MARCHF1: variants seen among roughly 807,000 people sequenced by gnomAD.
MARCHF1 encodes E3 ubiquitin-protein ligase MARCHF1.
In MARCHF1, 40 loss-of-function variants were observed where a neutral mutation model predicts 54.2. That is an observed-to-expected ratio of 0.74 (90% CI 0.57 to 0.96). The LOEUF is 0.96. MARCHF1 is among the 40% of genes least tolerant of loss of function. The pLI, the probability that MARCHF1 is intolerant of heterozygous loss-of-function variation, is 0.00. For synonymous variants in MARCHF1, 236 were observed against 236.3 expected, an observed-to-expected ratio of 1.00 and a Z score of 0.01; for missense variants, 586 against 656.5, an observed-to-expected ratio of 0.89 and a Z score of 1.17.
intron 4 of MARCHF1, among the ~76,000 whole-genome samples, chr4:163,834,227 T>C (rs1749112273): frequency 1.3e-5 from 2 of 152,018 alleles, no homozygotes; most frequent in African/African-American, 4.8e-5. Context: ...TACTTTGAAG[T>C]TGTAACTTTA....
In MARCHF1 at chr4:163,986,072, G is replaced by A. The variant is rs1398307933; in HGVS notation, c.-39+2429C>T. ...AAGTTATTCGGCGGCCTACAAGATTGACTAATATGTTTTAAACATACTTTT... is the reference window on the plus strand; with the variant it reads ...AAGTTATTCGGCGGCCTACAAGATTAACTAATATGTTTTAAACATACTTTT... On this transcript the variant is annotated intron_variant, in intron 3 of 9. Coordinates refer to ENST00000514618, the MANE Select transcript of MARCHF1 (RefSeq NM_001394959.1). 4.0e-5 allele frequency among the ~76,000 whole-genome samples: 6 copies of A among 151,706 alleles called. No individual in the cohort carries two copies. In the East Asian group the frequency reaches 1.2e-3, roughly 29 times the overall value.
intron 2 of MARCHF1, among the ~76,000 whole-genome samples, chr4:164,107,508 A>T (rs1755732846): frequency 6.6e-6 from 1 of 152,030 alleles, no homozygotes; most frequent in South Asian, 2.1e-4. Context: ...AACTACAGGC[A>T]AGTACCACCA....
intron 1 of MARCHF1, among the ~76,000 whole-genome samples, chr4:164,216,579 A>G (rs1402158567): frequency 6.6e-6 from 1 of 152,208 alleles, no homozygotes. Flanking sequence ...AGTTTAGTTA[A>G]TTTTTCTATT....
At chr4:164,283,629 A>G (rs1212522481) in intron 1 of MARCHF1, among the ~76,000 whole-genome samples, 1 of 151,002 alleles carries the variant, frequency 6.6e-6, no homozygotes. Flanking sequence ...AACTCATCAG[A>G]ATGCGTGTAC....
intron 1 of MARCHF1, among the ~76,000 whole-genome samples, chr4:164,373,273 C>A (rs569714851): frequency 1.3e-5 from 2 of 151,806 alleles, no homozygotes; most frequent in South Asian, 4.2e-4. Context: ...GGAATTTGAG[C>A]TTCTCCAACT....
intron 4 of MARCHF1, among the ~76,000 whole-genome samples, chr4:163,714,866 G>T (rs1038665238): frequency 1.3e-5 from 2 of 151,912 alleles, no homozygotes; most frequent in African/African-American, 4.8e-5. Context: ...ATTTTTTGTG[G>T]AGGCAAGGTT....
At chr4:163,730,044 G>C (rs1469670061) in intron 4 of MARCHF1, among the ~76,000 whole-genome samples, 1 of 151,932 alleles carries the variant, frequency 6.6e-6, no homozygotes, top group Non-Finnish European at 1.5e-5. Flanking sequence ...ACTTGATGGT[G>C]TCCCAGTTAT....
chr4:163,737,196 A>AT (rs1746066031), intron 4 of MARCHF1, among the ~76,000 whole-genome samples: 3 of 31,194 alleles, frequency 9.6e-5, no homozygotes, highest in East Asian at 4.0e-4. Flanking sequence ...ATATTAGTTT[A>AT]TTTATTTATT....
chr4:164,202,762 C>A (rs182304573), intron 1 of MARCHF1, among the ~76,000 whole-genome samples: 1 of 152,284 alleles, frequency 6.6e-6, no homozygotes, highest in African/African-American at 2.4e-5. Flanking sequence ...ATATTTCCTA[C>A]TATTTGCTTA....
At chr4:163,534,821 G>A (rs1410824926) in intron 9 of MARCHF1, among the ~76,000 whole-genome samples, 1 of 151,890 alleles carries the variant, frequency 6.6e-6, no homozygotes, top group East Asian at 1.9e-4. Context: ...TTATACAAAT[G>A]CATTTGCAAC....
chr4:164,318,946 C>T (rs1735068377), intron 1 of MARCHF1, among the ~76,000 whole-genome samples: 1 of 152,142 alleles, frequency 6.6e-6, no homozygotes, highest in Non-Finnish European at 1.5e-5. Context: ...CATTCTGTGA[C>T]TTGATAATAC....
At chr4:164,359,629 T>A (rs1303593974) in intron 1 of MARCHF1, among the ~76,000 whole-genome samples, 1 of 152,200 alleles carries the variant, frequency 6.6e-6, no homozygotes, top group Non-Finnish European at 1.5e-5. Flanking sequence ...GCCATCTCAA[T>A]GTGGGAGCTT....
rs1244206044 is a variant in MARCHF1 at position 164,146,871 on chromosome 4, T to A, written c.-322-35209A>T. 6.4e-3 allele frequency among the ~76,000 whole-genome samples: 958 copies of A among 150,590 alleles called. 8 individuals carry two copies. The highest frequency in any genetic ancestry group is 0.023 in the African/African-American group (925 of 40,922). ...TTCTGCACAGCAAAAGAAACTACCA[T>A]CAGAGTGAACAGGCAACCTACAAAA... On this transcript the variant is annotated intron_variant, in intron 1 of 9. Coordinates refer to ENST00000514618, the MANE Select transcript of MARCHF1 (RefSeq NM_001394959.1).
intron 8 of MARCHF1, among the ~76,000 whole-genome samples, chr4:163,553,005 C>G (rs898576167): frequency 1.7e-4 from 25 of 143,572 alleles, no homozygotes; most frequent in African/African-American, 5.3e-4. Context: ...TGCCCTCCAG[C>G]CTGGGCGACA....
At chr4:164,243,269 C>A (rs1732832490) in intron 1 of MARCHF1, among the ~76,000 whole-genome samples, 1 of 142,938 alleles carries the variant, frequency 7.0e-6, no homozygotes, top group Non-Finnish European at 1.5e-5. Context: ...ATCAGACTAA[C>A]AGCGGATCTC....
intron 3 of MARCHF1, among the ~76,000 whole-genome samples, chr4:163,859,711 C>T (rs1362511682): frequency 6.6e-6 from 1 of 152,076 alleles, no homozygotes; most frequent in African/African-American, 2.4e-5. Context: ...AGCCACTGTC[C>T]TGGAGATCCT....
chr4:164,289,585 G>GA (rs71600697), intron 1 of MARCHF1, among the ~76,000 whole-genome samples: 14,139 of 130,814 alleles, frequency 0.11, 1,365 homozygotes, highest in East Asian at 0.35. Context: ...TACTTAGATG[G>GA]AAAAAAAAAA....
At position 164,179,461 on chromosome 4, in the gene MARCHF1, TAATAC is replaced by T. The variant is rs1448433869; in HGVS notation, c.-322-67804_-322-67800del. Among the ~76,000 whole-genome samples, 16 of 152,258 alleles carry T rather than the reference TAATAC, an allele frequency of 1.1e-4. No homozygotes were observed. In the East Asian group the frequency reaches 3.1e-3, roughly 29 times the overall value. ...TTATATGGATTAGTAAATAATACAC[TAATAC>T]AATAATATTGAATAGTTTCAAAAAC... On this transcript the variant is annotated intron_variant, in intron 1 of 9. Coordinates refer to ENST00000514618, the MANE Select transcript of MARCHF1 (RefSeq NM_001394959.1).
chr4:163,850,438 C>A (rs912515781), intron 4 of MARCHF1, among the ~76,000 whole-genome samples: 1 of 152,184 alleles, frequency 6.6e-6, no homozygotes, highest in Non-Finnish European at 1.5e-5. Context: ...AAGTTGTGAA[C>A]CTTTTTGACA....
Sources: gnomAD v4.1 joint callset for allele counts (sites outside exome capture counted in the v4.1 genomes callset) on GRCh38, gnomAD v4.1.1 for gene constraint, MANE v1.5 for transcripts, NCBI Gene and HGNC (gene_info 2026-07-23, HGNC 2026-07-21) for gene names.